Variants in ITGB6 observed in about 807,000 individuals in gnomAD.
ITGB6 encodes the protein integrin beta-6.
ITGB6 carries 80 observed loss-of-function variants against 84.5 expected under a neutral mutation model. The observed-to-expected ratio is 0.95, with a 90% CI of 0.79 to 1.14. ITGB6 has a LOEUF of 1.14. Among genes scored for constraint, ITGB6 ranks in the 50% most tolerant of loss-of-function variants. ITGB6 has a pLI of 0.00. For missense variants in ITGB6, 1,006 were observed against 968.0 expected (o/e 1.04, Z -0.52); for synonymous variants, 383 against 354.9 (o/e 1.08, Z -0.89).
At chr2:160,178,238 G>C (rs750732332) in intron 4 of ITGB6, among the ~76,000 whole-genome samples, 5 of 152,122 alleles carry the variant, frequency 3.3e-5, no homozygotes, top group Non-Finnish European at 7.3e-5. Context: ...CCATAAAATG[G>C]GAATGATCAT....
In ITGB6 at chr2:160,196,337, G is replaced by A. The variant is rs370588403; in HGVS notation, c.225C>T (p.Ile75=). The A allele has an allele frequency of 2.9e-5, 46 of 1,614,024 alleles. No homozygotes were observed. The highest frequency in any genetic ancestry group is 4.0e-5 in the African/African-American group (3 of 75,022). Residue 75 remains isoleucine (I), a synonymous_variant, in exon 3 of 15, where the codon ATC becomes ATT. Coordinates refer to ENST00000283249, the MANE Select transcript of ITGB6 (RefSeq NM_000888.5). ...TTTCTACTTGGGAGACAGGGTTTTCGATGAAGTTTAATTGACATCCTTTAG... is the reference window on the plus strand; with the variant it reads ...TTTCTACTTGGGAGACAGGGTTTTCAATGAAGTTTAATTGACATCCTTTAG... The part of the protein sequence containing the change: ...LLAKGCQLNF[I]ENPVSQVEIL...
At chr2:160,122,324 T>C (rs1445862343) in intron 12 of ITGB6, among the ~76,000 whole-genome samples, 1 of 152,196 alleles carries the variant, frequency 6.6e-6, no homozygotes, top group Non-Finnish European at 1.5e-5. Context: ...ACCTGTGTAC[T>C]TAAATATAGT....
At chr2:160,137,253 A>C (rs924180937) in intron 10 of ITGB6, among the ~76,000 whole-genome samples, 181 bp downstream of exon 10, 2 of 152,150 alleles carry the variant, frequency 1.3e-5, no homozygotes, top group Admixed American at 6.5e-5. Flanking sequence ...ATCTCACCCC[A>C]AGTGAATGTT....
rs887228629 is a variant in ITGB6, at chr2:160,123,817, G to A, written c.1955C>T (p.Ala652Val). The change falls in exon 12 of 15, where the codon GCT (alanine) becomes GTT (valine). Residue 652 changes from alanine to valine, a missense_variant. Ala to Val is a moderately conservative substitution (Grantham distance 64). Coordinates refer to ENST00000283249, the MANE Select transcript of ITGB6 (RefSeq NM_000888.5). Reference protein sequence around the residue: ...REECVDKCKLAGATISEEEDF... With the variant: ...REECVDKCKLVGATISEEEDF... ...TTCTTCTTCACTGATGGTCGCACCA[G>A]CTAGTTTGCACTTGTCCACACATTC... 3.2e-5 allele frequency: 52 copies of A among 1,613,856 alleles called. No homozygotes were observed. The highest frequency in any genetic ancestry group is 4.1e-5 in the Non-Finnish European group (48 of 1,179,836).
rs745713954 is a variant in ITGB6, at chr2:160,112,240, C to T, written c.1982-41G>A. 7.1e-6 allele frequency: 11 copies of T among 1,555,612 alleles called. No individual in the cohort carries two copies. In the East Asian group the frequency reaches 2.3e-4, roughly 32 times the overall value. On this transcript the variant is annotated intron_variant, in intron 12 of 14. Transcript: ENST00000283249. ...TCATTCATTAGGTTAAACAAGATTCCAAAAGAGATTGTTTTTAAAACAAAG... is the reference window on the plus strand; with the variant it reads ...TCATTCATTAGGTTAAACAAGATTCTAAAAGAGATTGTTTTTAAAACAAAG...
Position 160,191,524 on chromosome 2 carries a change from G to C in ITGB6, c.593+3845C>G, listed in dbSNP as rs180782669. ...GCAAGGAATAGAAGATCATTTCTTT[G>C]ATCTGATGGAAGGAAATGAAAAACC... On this transcript the variant is annotated intron_variant, in intron 4 of 14. Transcript: ENST00000283249. 3.5e-3 allele frequency among the ~76,000 whole-genome samples: 531 copies of C among 152,168 alleles called. 3 individuals carry two copies. The highest frequency in any genetic ancestry group is 0.012 in the African/African-American group (506 of 41,508).
chr2:160,167,457 C>T (rs1192296977), intron 7 of ITGB6, among the ~76,000 whole-genome samples: 2 of 152,150 alleles, frequency 1.3e-5, no homozygotes, highest in African/African-American at 2.4e-5. Context: ...CCTGGACTGT[C>T]GTATGACCCC....
At chr2:160,150,446 T>G (rs1684369589) in intron 7 of ITGB6, among the ~76,000 whole-genome samples, 1 of 152,024 alleles carries the variant, frequency 6.6e-6, no homozygotes, top group South Asian at 2.1e-4. Context: ...TTACAAGAGC[T>G]CCTGAAGGAA....
At chr2:160,170,647 C>A (rs972131855) in intron 6 of ITGB6, among the ~76,000 whole-genome samples, 14 of 152,134 alleles carry the variant, frequency 9.2e-5, no homozygotes, top group African/African-American at 3.4e-4. Flanking sequence ...GGCCAGGAAC[C>A]ACCTTGTATT....
chr2:160,124,438 T>G (rs1181398406), intron 11 of ITGB6, among the ~76,000 whole-genome samples: 2 of 152,212 alleles, frequency 1.3e-5, no homozygotes, highest in Non-Finnish European at 2.9e-5. Context: ...TCAAAAGCTG[T>G]GGATTAGAGC....
At chr2:160,152,599 G>A (rs1480216660) in intron 7 of ITGB6, among the ~76,000 whole-genome samples, 3 of 152,162 alleles carry the variant, frequency 2.0e-5, no homozygotes, top group African/African-American at 7.2e-5. Flanking sequence ...TCTGGCTAGG[G>A]CAATCAGGCA....
rs1417310873 is a variant in ITGB6, at chr2:160,112,102, G to A, written c.2079C>T (p.Ile693=). 1 of 1,612,878 alleles carries A rather than the reference G, an allele frequency of 6.2e-7. No homozygotes were observed. Among genetic ancestry groups the A allele is most frequent in the South Asian group, 1.1e-5 (1 of 90,668 alleles). ...CACCTTTTTCATTGATGCTGTGAAT[G>A]ATGGTTTTCCCCTCATTATCTGTAG... The part of the protein sequence containing the change: ...LITTDNEGKT[I]IHSINEKDCP... Residue 693 remains isoleucine (I), a synonymous_variant, in exon 13 of 15, where the codon ATC becomes ATT. Coordinates refer to ENST00000283249, the MANE Select transcript of ITGB6 (RefSeq NM_000888.5).
intron 12 of ITGB6, among the ~76,000 whole-genome samples, chr2:160,119,832 C>G (rs1296703034): frequency 2.6e-5 from 4 of 152,052 alleles, no homozygotes; most frequent in African/African-American, 9.7e-5. Flanking sequence ...AAAAAACAAA[C>G]AACCCCATCA....
At chr2:160,174,186 C>T in intron 4 of ITGB6, 47 bp from the exon 5 acceptor site, 1 of 1,403,570 alleles carries the variant, frequency 7.1e-7, no homozygotes, top group Non-Finnish European at 9.9e-7. Context: ...TATGATGCCA[C>T]ACACAATTAA....
At chr2:160,163,302 C>T (rs1487447290) in intron 7 of ITGB6, among the ~76,000 whole-genome samples, 1 of 152,216 alleles carries the variant, frequency 6.6e-6, no homozygotes, top group Admixed American at 6.5e-5. Context: ...AGCTGTCAGG[C>T]AGCTCTGCTC....
intron 4 of ITGB6, among the ~76,000 whole-genome samples, chr2:160,178,327 T>C (rs545478736): frequency 6.6e-6 from 1 of 152,358 alleles, no homozygotes; most frequent in East Asian, 1.9e-4. Context: ...CCATTGTGCC[T>C]GGGACCTAAC....
chr2:160,121,521 A>G lies in ITGB6; in HGVS notation c.1981+2270T>C, dbSNP rs72623105. Among the ~76,000 whole-genome samples, 398 of 152,358 alleles carry G rather than the reference A, an allele frequency of 2.6e-3. 17 individuals are homozygous for G. The East Asian group carries it at 0.064, about 25-fold the overall frequency. On this transcript the variant is annotated intron_variant, in intron 12 of 14. Coordinates refer to ENST00000283249, the MANE Select transcript of ITGB6 (RefSeq NM_000888.5). The stretch of plus-strand genomic sequence containing the variant: ...ACTCTCAAGCTGGGCACTGTGGTGC[A>G]TGCCTGTAATCCCAGCAATTTGGGA...
At chr2:160,151,837 G>T (rs1226085016) in intron 7 of ITGB6, among the ~76,000 whole-genome samples, 1 of 152,064 alleles carries the variant, frequency 6.6e-6, no homozygotes, top group Admixed American at 6.5e-5. Context: ...AAATAAACTA[G>T]AAAATCTAAA....
chr2:160,120,886 G>T (rs1232490871), intron 12 of ITGB6, among the ~76,000 whole-genome samples: 1 of 140,048 alleles, frequency 7.1e-6, no homozygotes, highest in Non-Finnish European at 1.5e-5. Flanking sequence ...ACAGGAAGGG[G>T]AACATCACAC....
Sources: allele counts gnomAD v4.1 joint callset (sites outside exome capture counted in the v4.1 genomes callset), GRCh38; gene constraint gnomAD v4.1.1; transcripts MANE v1.5; gene names NCBI Gene and HGNC (gene_info 2026-07-23, HGNC 2026-07-21).